The following SCHIP1 variants were observed in gnomAD, a reference collection of about 807,000 sequenced individuals.
SCHIP1 encodes the protein schwannomin interacting protein 1, also known as schwannomin-interacting protein 1.
A neutral mutation model predicts 29.7 loss-of-function variants in SCHIP1; 8 were observed. The observed-to-expected ratio is 0.27, with a 90% CI of 0.16 to 0.49. The LOEUF (loss-of-function observed/expected upper bound fraction) is 0.49. Ranked by LOEUF, SCHIP1 falls within the 20% of genes least tolerant of loss-of-function variation. The pLI is 0.99. For missense variants in SCHIP1, 193 were observed against 294.6 expected (o/e 0.66, Z 2.52); for synonymous variants, 76 against 94.9 (o/e 0.80, Z 1.16).
At chr3:159,813,684 T>C in the SCHIP1 span, among the ~76,000 whole-genome samples, 1 of 148,572 alleles carries the variant, frequency 6.7e-6, no homozygotes. Context: ...TGAGACGCTA[T>C]CTCAAAAAAA....
chr3:159,352,665 T>C, the SCHIP1 span, among the ~76,000 whole-genome samples: 1 of 152,174 alleles, frequency 6.6e-6, no homozygotes, highest in Non-Finnish European at 1.5e-5. Flanking sequence ...CATGCTACTC[T>C]TTGTAGTTAT....
the SCHIP1 span, among the ~76,000 whole-genome samples, chr3:159,423,392 A>G: frequency 1.3e-5 from 2 of 152,302 alleles, no homozygotes; most frequent in South Asian, 4.1e-4. Context: ...AAAACGGCAC[A>G]CCAGGAGATT....
At chr3:159,638,688 C>A in the SCHIP1 span, among the ~76,000 whole-genome samples, 1 of 151,756 alleles carries the variant, frequency 6.6e-6, no homozygotes, top group East Asian at 1.9e-4. Context: ...CTCCATTGAG[C>A]CTGTCCCACT....
At chr3:159,792,694 T>C in the SCHIP1 span, among the ~76,000 whole-genome samples, 2 of 152,202 alleles carry the variant, frequency 1.3e-5, no homozygotes, top group Non-Finnish European at 2.9e-5. Context: ...AGTGGCTGGA[T>C]TGTCATTTAT....
At chr3:159,739,013 G>A in the SCHIP1 span, among the ~76,000 whole-genome samples, 3 of 152,216 alleles carry the variant, frequency 2.0e-5, no homozygotes, top group Admixed American at 2.0e-4. Context: ...TGGGGGTGCT[G>A]CAACCTCTCT....
At chr3:159,568,663 A>T in the SCHIP1 span, among the ~76,000 whole-genome samples, 1 of 152,046 alleles carries the variant, frequency 6.6e-6, no homozygotes, top group Non-Finnish European at 1.5e-5. Context: ...TTTGAGAAAA[A>T]ATATGTATTT....
At chr3:159,299,681 G>T in the SCHIP1 span, among the ~76,000 whole-genome samples, 4 of 152,160 alleles carry the variant, frequency 2.6e-5, no homozygotes, top group African/African-American at 9.7e-5. Flanking sequence ...TGGATGGGTT[G>T]CTCTGGTGTG....
At chr3:159,648,677 C>T in the SCHIP1 span, among the ~76,000 whole-genome samples, 3 of 152,104 alleles carry the variant, frequency 2.0e-5, no homozygotes, top group Non-Finnish European at 2.9e-5. Context: ...TAGGAGTTGA[C>T]CCCAGTGGAC....
the SCHIP1 span, among the ~76,000 whole-genome samples, chr3:159,391,687 G>A: frequency 3.9e-5 from 6 of 152,100 alleles, no homozygotes; most frequent in Non-Finnish European, 8.8e-5. Context: ...TCCATCAGTG[G>A]GAGAACAAAG....
the SCHIP1 span, among the ~76,000 whole-genome samples, chr3:159,710,237 C>A: frequency 6.6e-6 from 1 of 151,940 alleles, no homozygotes; most frequent in African/African-American, 2.4e-5. Flanking sequence ...GCTAGATATA[C>A]CTAATGAAAT....
At chr3:159,822,172 G>A in the SCHIP1 span, among the ~76,000 whole-genome samples, 1 of 152,176 alleles carries the variant, frequency 6.6e-6, no homozygotes, top group Non-Finnish European at 1.5e-5. Flanking sequence ...CTGAGAGCAG[G>A]CACAGAGTAG....
intron 1 of SCHIP1, among the ~76,000 whole-genome samples, chr3:159,848,924 G>T (rs112432512): frequency 5.1e-4 from 77 of 152,280 alleles, no homozygotes; most frequent in African/African-American, 1.7e-3. Flanking sequence ...TTATCTACGT[G>T]CTGAGCTTCT....
chr3:159,775,887 GT>G, the SCHIP1 span, among the ~76,000 whole-genome samples: 1 of 152,158 alleles, frequency 6.6e-6, no homozygotes, highest in Non-Finnish European at 1.5e-5. Flanking sequence ...ATCTCCGGCA[GT>G]GTTGTAAATT....
the SCHIP1 span, among the ~76,000 whole-genome samples, chr3:159,694,591 A>AGAAG: frequency 6.8e-6 from 1 of 146,084 alleles, no homozygotes; most frequent in African/African-American, 2.6e-5. Flanking sequence ...AAAGAAAGAA[A>AGAAG]GAAAGAAAGA....
the SCHIP1 span, among the ~76,000 whole-genome samples, chr3:159,489,006 A>C: frequency 6.6e-6 from 1 of 152,140 alleles, no homozygotes; most frequent in African/African-American, 2.4e-5. Context: ...GTCCAAATTC[A>C]TAAGTGTTGA....
the SCHIP1 span, among the ~76,000 whole-genome samples, chr3:159,477,156 G>A: frequency 1.3e-5 from 2 of 152,116 alleles, no homozygotes; most frequent in Non-Finnish European, 2.9e-5. Context: ...GTGTTCCATA[G>A]TGTATATATT....
At chr3:159,621,053 G>A in the SCHIP1 span, among the ~76,000 whole-genome samples, 191 of 152,204 alleles carry the variant, frequency 1.3e-3, 3 homozygotes, top group South Asian at 0.034. Flanking sequence ...CTGACATCCC[G>A]ACTGAGTCAT....
At chr3:159,733,984 T>G in the SCHIP1 span, among the ~76,000 whole-genome samples, 1 of 152,304 alleles carries the variant, frequency 6.6e-6, no homozygotes, top group East Asian at 1.9e-4. Flanking sequence ...AGTGCATGGG[T>G]ATAGTTTTGC....
chr3:159,400,935 T>C, the SCHIP1 span, among the ~76,000 whole-genome samples: 17 of 152,346 alleles, frequency 1.1e-4, no homozygotes, highest in African/African-American at 4.1e-4. Flanking sequence ...TTAATCTCTG[T>C]AAAGCTCAGT....
Sources: gnomAD v4.1 joint callset for allele counts (sites outside exome capture counted in the v4.1 genomes callset) on GRCh38, gnomAD v4.1.1 for gene constraint, MANE v1.5 for transcripts, NCBI Gene and HGNC (gene_info 2026-07-23, HGNC 2026-07-21) for gene names.